NME7: variants seen among roughly 807,000 people sequenced by gnomAD.
NME7 encodes NME/NM23 family member 7.
NME7 carries 41 observed loss-of-function variants against 49.1 expected under a neutral mutation model. That is an observed-to-expected ratio of 0.83 (90% CI 0.65 to 1.08). The LOEUF (loss-of-function observed/expected upper bound fraction) is 1.08, where lower values mean the gene tolerates loss of function less well. NME7 is among the 50% of genes least tolerant of loss of function. NME7 has a pLI of 0.00. For synonymous variants in NME7, 139 were observed against 150.6 expected, an observed-to-expected ratio of 0.92 and a Z score of 0.56; for missense variants, 423 against 463.4, an observed-to-expected ratio of 0.91 and a Z score of 0.80.
At chr1:169,251,379 G>T (rs1029583143) in intron 7 of NME7, among the ~76,000 whole-genome samples, 1 of 151,718 alleles carries the variant, frequency 6.6e-6, no homozygotes, top group Admixed American at 6.6e-5. Flanking sequence ...TATGTATTAG[G>T]TGAGTCTCTT....
At chr1:169,276,010 C>G (rs1440548247) in intron 7 of NME7, among the ~76,000 whole-genome samples, 1 of 133,578 alleles carries the variant, frequency 7.5e-6, no homozygotes, top group Admixed American at 7.3e-5. Flanking sequence ...GTATATTGAA[C>G]CGGCCTTGCA....
intron 7 of NME7, among the ~76,000 whole-genome samples, chr1:169,266,634 C>T (rs1649327811): frequency 7.5e-6 from 1 of 133,018 alleles, no homozygotes; most frequent in African/African-American, 2.5e-5. Context: ...AAAAGGCATC[C>T]AAATAGAGAG....
At chr1:169,351,721 A>C (rs1422675863) in intron 1 of NME7, among the ~76,000 whole-genome samples, 2 of 152,016 alleles carry the variant, frequency 1.3e-5, no homozygotes, top group African/African-American at 4.8e-5. Flanking sequence ...AACAAATAAA[A>C]TCAGAGATGA....
At chr1:169,195,362 C>G (rs1466899424) in intron 10 of NME7, among the ~76,000 whole-genome samples, 1 of 152,112 alleles carries the variant, frequency 6.6e-6, no homozygotes, top group Non-Finnish European at 1.5e-5. Context: ...CAGGCATGTG[C>G]CACCACACCT....
Position 169,179,571 on chromosome 1 carries a change from A to G in NME7, c.991-10017T>C, listed in dbSNP as rs138602660. ...ATAGAATCAACCTAAATGCCCATCAATTATAGACTGGATAAAGAAAATGTA... is the reference window on the plus strand; with the variant it reads ...ATAGAATCAACCTAAATGCCCATCAGTTATAGACTGGATAAAGAAAATGTA... On this transcript the variant is annotated intron_variant, in intron 10 of 11. Transcript: ENST00000367811. 3.3e-4 allele frequency among the ~76,000 whole-genome samples: 50 copies of G among 152,364 alleles called. 2 individuals are homozygous for G. The East Asian group carries it at 9.6e-3, about 29-fold the overall frequency.
chr1:169,234,026 G>A (rs914380784), intron 9 of NME7, among the ~76,000 whole-genome samples: 1 of 151,166 alleles, frequency 6.6e-6, no homozygotes, highest in Non-Finnish European at 1.5e-5. Flanking sequence ...AGATACCACT[G>A]AAAATAGACA....
At chr1:169,184,282 T>C (rs1660009929) in intron 10 of NME7, among the ~76,000 whole-genome samples, 1 of 152,190 alleles carries the variant, frequency 6.6e-6, no homozygotes, top group Admixed American at 6.5e-5. Context: ...AAGCAATCTT[T>C]TAAAAAAATA....
At chr1:169,254,399 T>G (rs6698149) in intron 7 of NME7, among the ~76,000 whole-genome samples, 1 of 151,626 alleles carries the variant, frequency 6.6e-6, no homozygotes, top group African/African-American at 2.4e-5. Flanking sequence ...TCTGTGGGAT[T>G]GGTGGTGATA....
rs116781340 is a variant in NME7, at chr1:169,211,771, C to T, written c.990+18947G>A. On this transcript the variant is annotated intron_variant, in intron 10 of 11. Coordinates refer to ENST00000367811, the MANE Select transcript of NME7 (RefSeq NM_013330.5). ...TTAAAAAATTTAGTTAAAAAATCCA[C>T]GCATTACAAGAAAAGGATATATAAA... Among the ~76,000 whole-genome samples, 1,376 of 152,182 alleles carry T rather than the reference C, an allele frequency of 9.0e-3. 6 individuals are homozygous for T. Among genetic ancestry groups the T allele is most frequent in the Non-Finnish European group, 0.015 (1,010 of 67,964 alleles).
At position 169,330,484 on chromosome 1, in the gene NME7, C is replaced by T. The variant is rs554383867; in HGVS notation, c.4-5984G>A. Among the ~76,000 whole-genome samples the T allele has an allele frequency of 1.6e-3, 248 of 152,164 alleles. 2 individuals are homozygous for T. The highest frequency in any genetic ancestry group is 5.6e-3 in the African/African-American group (233 of 41,522). ...CACGAGGTCAGGAGTTCAAGACCAG[C>T]CTGGCCAACATAGTGAAACCCCCAT... is the stretch of plus-strand genomic sequence containing the variant. On this transcript the variant is annotated intron_variant, in intron 1 of 11. Transcript: ENST00000367811.
chr1:169,280,136 C>A (rs552579458), intron 7 of NME7, among the ~76,000 whole-genome samples: 1 of 152,182 alleles, frequency 6.6e-6, no homozygotes, highest in African/African-American at 2.4e-5. Flanking sequence ...CATGTCCTGA[C>A]TTTTTAATAA....
At chr1:169,348,641 T>A (rs751610280) in intron 1 of NME7, among the ~76,000 whole-genome samples, 10 of 152,142 alleles carry the variant, frequency 6.6e-5, no homozygotes, top group Non-Finnish European at 1.2e-4. Context: ...TAGTGTTCAA[T>A]GTGGATTTAA....
Position 169,276,082 on chromosome 1 carries a change from A to C in NME7, c.754+11221T>G, listed in dbSNP as rs186384102. ...GCTTTTTGATGTGCTTGCTGGATTC[A>C]GTTTGCCAGTATTTTATTGAGGATT... is the stretch of plus-strand genomic sequence containing the variant. On this transcript the variant is annotated intron_variant, in intron 7 of 11. Coordinates refer to ENST00000367811, the MANE Select transcript of NME7 (RefSeq NM_013330.5). 2.2e-5 allele frequency among the ~76,000 whole-genome samples: 3 copies of C among 133,910 alleles called. 1 individual carries two copies. Among genetic ancestry groups the C allele is most frequent in the Non-Finnish European group, 5.3e-5 (3 of 56,984 alleles). The allele number at this position is 133,910 out of a possible 152,430, so 87.9% of individuals were successfully genotyped here.
At chr1:169,242,217 A>G (rs1313097844) in intron 7 of NME7, among the ~76,000 whole-genome samples, 1 of 152,102 alleles carries the variant, frequency 6.6e-6, no homozygotes, top group Non-Finnish European at 1.5e-5. Context: ...TTAATTTCAG[A>G]TATGCAAGCC....
In NME7 at chr1:169,324,439, C is replaced by T. The variant is rs1354415177; in HGVS notation, c.65G>A (p.Arg22Gln). ...TGGGTAAAATAAAAGCTCATAACGT[C>T]GAAGAAGTGAAGCATTTGGATCATA... ...EWYDPNASLLRRYELLFYPGD... is the reference protein window; with the variant it reads ...EWYDPNASLLQRYELLFYPGD... Residue 22 changes from arginine (R) to glutamine (Q), a missense_variant, in exon 2 of 12, where the codon CGA (arginine) becomes CAA (glutamine). Arg to Gln is a conservative substitution (Grantham distance 43). Coordinates refer to ENST00000367811, the MANE Select transcript of NME7 (RefSeq NM_013330.5). The T allele has an allele frequency of 1.9e-6, 3 of 1,613,316 alleles. No individual in the cohort carries two copies. The highest frequency in any genetic ancestry group is 2.5e-6 in the Non-Finnish European group (3 of 1,179,524).
chr1:169,301,793 T>C (rs1308875410), intron 5 of NME7, among the ~76,000 whole-genome samples: 2 of 152,104 alleles, frequency 1.3e-5, no homozygotes, highest in Non-Finnish European at 2.9e-5. Flanking sequence ...TTGGAGGCCA[T>C]AATCCTAAAC....
At chr1:169,341,233 C>T (rs1652686915) in intron 1 of NME7, among the ~76,000 whole-genome samples, 1 of 152,150 alleles carries the variant, frequency 6.6e-6, no homozygotes, top group Admixed American at 6.5e-5. Flanking sequence ...CCAGCTCAAG[C>T]CGAGGCTAAA....
At chr1:169,277,239 G>T (rs61808905) in intron 7 of NME7, among the ~76,000 whole-genome samples, 7 of 141,698 alleles carry the variant, frequency 4.9e-5, no homozygotes, top group Admixed American at 2.8e-4. Context: ...TCCTGGGTAT[G>T]CTTGTTGACT....
intron 10 of NME7, among the ~76,000 whole-genome samples, chr1:169,221,295 A>T (rs1417785889): frequency 6.6e-6 from 1 of 152,180 alleles, no homozygotes; most frequent in Non-Finnish European, 1.5e-5. Context: ...TTTAAAATCA[A>T]ATTATGTCAC....
Sources: allele counts gnomAD v4.1 joint callset (sites outside exome capture counted in the v4.1 genomes callset), GRCh38; gene constraint gnomAD v4.1.1; transcripts MANE v1.5; gene names NCBI Gene and HGNC (gene_info 2026-07-23, HGNC 2026-07-21).